Variants in SLC37A2 observed in about 807,000 individuals in gnomAD.
SLC37A2 encodes glucose-6-phosphate exchanger SLC37A2.
A neutral mutation model predicts 70.7 loss-of-function variants in SLC37A2; 59 were observed. That is an observed-to-expected ratio of 0.83 (90% CI 0.68 to 1.04). The LOEUF (loss-of-function observed/expected upper bound fraction) is 1.04. SLC37A2 is among the 50% of genes least tolerant of loss of function. The pLI is 0.00. For missense variants in SLC37A2, 580 were observed against 658.1 expected (o/e 0.88, Z 1.30); for synonymous variants, 257 against 262.1 (o/e 0.98, Z 0.19).
rs915137541 is a variant in SLC37A2 at position 125,088,871 on chromosome 11, AAG to A, written c.*740_*741del. ...GGGCCGGTGCTGTGGGGAGAGTAGA[AAG>A]AGGGGTTGGCATGACTAAAAATACC... On this transcript the variant is annotated 3_prime_UTR_variant, in exon 18 of 18. Transcript: ENST00000403796. 6.6e-6 allele frequency: 1 copy of A among 152,334 alleles called. No homozygotes were observed. Among genetic ancestry groups the A allele is most frequent in the Admixed American group, 6.5e-5 (1 of 15,286 alleles). The allele number at this position is 152,334 out of a possible 1,614,324, so 9.4% of individuals were successfully genotyped here.
chr11:125,068,920 G>T lies in SLC37A2; in HGVS notation c.59+5494G>T, dbSNP rs143596495. On this transcript the variant is annotated intron_variant, in intron 1 of 17. Transcript: ENST00000403796. Reference sequence around the variant, plus strand: ...ACATGTCCCCAAGGAGGGCATTTAAGAAGTGAAGAAGACAGAATAGGAAGC... The same window carrying T: ...ACATGTCCCCAAGGAGGGCATTTAATAAGTGAAGAAGACAGAATAGGAAGC... Among the ~76,000 whole-genome samples, 500 of 152,340 alleles carry T rather than the reference G, an allele frequency of 3.3e-3. 1 individual carries two copies. Among genetic ancestry groups the T allele is most frequent in the Non-Finnish European group, 4.9e-3 (334 of 68,036 alleles).
rs757205803 is a variant in SLC37A2, at chr11:125,088,119, G to C, written c.1491G>C (p.Gly497=). 3 of 1,551,880 alleles carry C rather than the reference G, an allele frequency of 1.9e-6. No homozygotes were observed. In the East Asian group the frequency reaches 7.3e-5, roughly 38 times the overall value. The change falls in exon 18 of 18, where the codon GGG becomes GGC. Residue 497 remains glycine (G), a splice_region_variant and synonymous_variant. Coordinates refer to ENST00000403796, the MANE Select transcript of SLC37A2 (RefSeq NM_001145290.2). ...TGTCCCCCCTCTCCTCTTCATGCAG[G>C]TATAAAGAAATATGAGGCCCCAATT... ...AWKVSLSRGS[G]YKEI is the part of the protein sequence containing the mutation.
chr11:125,065,415 A>C (rs1008713747), intron 1 of SLC37A2, among the ~76,000 whole-genome samples: 2 of 152,152 alleles, frequency 1.3e-5, no homozygotes, highest in African/African-American at 4.8e-5. Context: ...AAAGCCTTTA[A>C]TTATTTATTG....
chr11:125,088,274 G>A lies in SLC37A2; in HGVS notation c.*140G>A, dbSNP rs957869806. 1.1e-4 allele frequency: 106 copies of A among 951,538 alleles called. No individual in the cohort carries two copies. Among genetic ancestry groups the A allele is most frequent in the Non-Finnish European group, 1.6e-4 (101 of 629,444 alleles). The allele number at this position is 951,538 out of a possible 1,614,324, so 58.9% of individuals were successfully genotyped here. A position where few individuals can be genotyped will look rare whatever the true frequency, so the allele number is the denominator to read the frequency against. On this transcript the variant is annotated 3_prime_UTR_variant, in exon 18 of 18. Transcript: ENST00000403796. ...ATTAGCCAGCCCAGCCCAGACCCCA[G>A]GGCTGCCTAAGGACACAGAGATTCT...
intron 1 of SLC37A2, among the ~76,000 whole-genome samples, chr11:125,067,356 G>C (rs534827565): frequency 2.3e-4 from 35 of 152,246 alleles, no homozygotes; most frequent in African/African-American, 8.4e-4. Flanking sequence ...TGTTATCGGG[G>C]AAGGCACCAT....
chr11:125,077,244 GA>G lies in SLC37A2; in HGVS notation c.158del (p.Asn53ThrfsTer35). On this transcript the variant is annotated frameshift_variant, in exon 3 of 18. Coordinates refer to ENST00000403796, the MANE Select transcript of SLC37A2 (RefSeq NM_001145290.2). LOFTEE classifies it high-confidence loss of function. The part of the protein sequence containing the change: ...ISIVKSRLHQ[N>X]CSEQIKPIND... ...TGCCTATCCAGAGCCGTCTGCACCA[GA>G]ACTGCTCGGAGCAGATCAAACCCAT... 1 of 1,598,494 alleles carries G rather than the reference GA, an allele frequency of 6.3e-7. No homozygotes were observed. Among genetic ancestry groups the G allele is most frequent in the Non-Finnish European group, 8.5e-7 (1 of 1,172,532 alleles).
Position 125,080,564 on chromosome 11 carries a change from G to A in SLC37A2, c.528-50G>A. On this transcript the variant is annotated intron_variant, in intron 6 of 17. Coordinates refer to ENST00000403796, the MANE Select transcript of SLC37A2 (RefSeq NM_001145290.2). The surrounding 1 kb of genome is among the most constrained non-coding windows in gnomAD (Gnocchi z 4.3). ...CTGGGGCAGTTGCTATGAACAATGTGCTTTGCTTTTTACTTTTTATACCTC... is the reference window on the plus strand; with the variant it reads ...CTGGGGCAGTTGCTATGAACAATGTACTTTGCTTTTTACTTTTTATACCTC... 1.4e-6 allele frequency: 2 copies of A among 1,407,402 alleles called. No individual in the cohort carries two copies. Among genetic ancestry groups the A allele is most frequent in the Non-Finnish European group, 1.9e-6 (2 of 1,068,572 alleles). The allele number at this position is 1,407,402 out of a possible 1,614,324, so 87.2% of individuals were successfully genotyped here.
intron 1 of SLC37A2, among the ~76,000 whole-genome samples, chr11:125,065,883 A>T (rs1948974889): frequency 6.6e-6 from 1 of 152,226 alleles, no homozygotes; most frequent in Admixed American, 6.5e-5. Context: ...GTTTCATTTC[A>T]GTTTATGAAA....
intron 1 of SLC37A2, among the ~76,000 whole-genome samples, chr11:125,074,281 G>A (rs1949059752): frequency 6.6e-6 from 1 of 151,834 alleles, no homozygotes; most frequent in East Asian, 2.0e-4. Flanking sequence ...TCTCTCCTCT[G>A]TGTCATCTCT....
intron 5 of SLC37A2, 33 bp downstream of exon 5, chr11:125,079,280 T>A: frequency 6.2e-7 from 1 of 1,613,392 alleles, no homozygotes; most frequent in Non-Finnish European, 8.5e-7. Flanking sequence ...TGGGCCTGTG[T>A]TGCCGTCTCG....
In SLC37A2 at chr11:125,083,726, G is replaced by C; in HGVS notation, c.977-89G>C. 3 of 1,210,566 alleles carry C rather than the reference G, an allele frequency of 2.5e-6. No homozygotes were observed. Among genetic ancestry groups the C allele is most frequent in the Non-Finnish European group, 2.5e-6 (2 of 815,076 alleles). 75.0% of individuals were successfully genotyped at this position (1,210,566 alleles called of 1,614,324 possible). A position where few individuals can be genotyped will look rare whatever the true frequency, so the allele number is the denominator to read the frequency against. ...TCCTCGGAAAAGGGGGCAGTGGTCTGGATCACGCTCTGCAGGGCTTCTAGC... is the reference window on the plus strand; with the variant it reads ...TCCTCGGAAAAGGGGGCAGTGGTCTCGATCACGCTCTGCAGGGCTTCTAGC... On this transcript the variant is annotated intron_variant, in intron 10 of 17. Coordinates refer to ENST00000403796, the MANE Select transcript of SLC37A2 (RefSeq NM_001145290.2). This position sits in a 1 kb window ranked among gnomAD's most constrained non-coding sequence, Gnocchi z 4.6.
At chr11:125,068,580 T>C (rs935290459) in intron 1 of SLC37A2, among the ~76,000 whole-genome samples, 9 of 152,178 alleles carry the variant, frequency 5.9e-5, no homozygotes, top group African/African-American at 1.9e-4. Context: ...CTATGTGCCA[T>C]GTCATTCAGA....
intron 8 of SLC37A2, 81 bp downstream of exon 8, chr11:125,081,539 G>C (rs895731531): frequency 3.3e-6 from 5 of 1,508,052 alleles, no homozygotes; most frequent in Non-Finnish European, 2.7e-6. Flanking sequence ...TGGGGAGCTA[G>C]AGCAGGGAGT....
chr11:125,075,432 C>A (rs1220807563), intron 1 of SLC37A2, among the ~76,000 whole-genome samples: 1 of 152,232 alleles, frequency 6.6e-6, no homozygotes, highest in Non-Finnish European at 1.5e-5. Flanking sequence ...CCCTAGAGGA[C>A]CTCTGTGACC....
intron 1 of SLC37A2, among the ~76,000 whole-genome samples, chr11:125,068,213 C>A (rs1948999460): frequency 6.6e-6 from 1 of 152,182 alleles, no homozygotes; most frequent in Non-Finnish European, 1.5e-5. Context: ...CCACTGTGAG[C>A]CTTGACTTTG....
rs567090796 is a variant in SLC37A2 at position 125,085,752 on chromosome 11, G to A, written c.1425+78G>A. The A allele has an allele frequency of 1.7e-4, 257 of 1,514,174 alleles. No individual in the cohort carries two copies. In the South Asian group the frequency reaches 1.8e-3, roughly 11 times the overall value. 93.8% of individuals were successfully genotyped at this position (1,514,174 alleles called of 1,614,324 possible). A position where few individuals can be genotyped will look rare whatever the true frequency, so the allele number is the denominator to read the frequency against. ...GACTGGAACCCTGGAGGTCCAAAGC[G>A]TTGGCCATTTGGGGTTCTGGGGCAA... On this transcript the variant is annotated intron_variant, in intron 16 of 17. Transcript: ENST00000403796.
intron 17 of SLC37A2, chr11:125,086,321 C>A: frequency 8.1e-7 from 1 of 1,242,074 alleles, no homozygotes; most frequent in Non-Finnish European, 1.2e-6. Context: ...GCATGCAAAT[C>A]CTCTGTCCTG....
intron 1 of SLC37A2, among the ~76,000 whole-genome samples, chr11:125,065,215 T>G (rs1948969492): frequency 6.6e-6 from 1 of 152,250 alleles, no homozygotes; most frequent in Non-Finnish European, 1.5e-5. Context: ...ATACATTGTT[T>G]TTCTACAGTC....
intron 4 of SLC37A2, among the ~76,000 whole-genome samples, chr11:125,078,708 G>T (rs1016333235): frequency 6.6e-6 from 1 of 152,078 alleles, no homozygotes; most frequent in Admixed American, 6.5e-5. Flanking sequence ...TAAATGCCCC[G>T]GGGGCATCCA....
Sources: allele counts gnomAD v4.1 joint callset (sites outside exome capture counted in the v4.1 genomes callset), GRCh38; gene constraint gnomAD v4.1.1; non-coding constraint Gnocchi (gnomAD v3.1); transcripts MANE v1.5; gene names NCBI Gene and HGNC (gene_info 2026-07-23, HGNC 2026-07-21).